Variants in UNKL observed in about 807,000 individuals in gnomAD.
UNKL encodes unk like zinc finger, also known as putative E3 ubiquitin-protein ligase UNKL.
UNKL carries 60 observed loss-of-function variants against 78.0 expected under a neutral mutation model. The observed-to-expected ratio is 0.77, with a 90% confidence interval of 0.63 to 0.95. The LOEUF (loss-of-function observed/expected upper bound fraction) is 0.95. UNKL is among the 40% of genes least tolerant of loss of function. UNKL has a pLI of 0.00. For synonymous variants in UNKL, 608 were observed against 474.8 expected, an observed-to-expected ratio of 1.28 and a Z score of -3.65; for missense variants, 1,159 against 1,045.7, an observed-to-expected ratio of 1.11 and a Z score of -1.49.
At chr16:1,389,237 G>A (rs2036946717) in intron 9 of UNKL, among the ~76,000 whole-genome samples, 1 of 152,138 alleles carries the variant, frequency 6.6e-6, no homozygotes, top group African/African-American at 2.4e-5. Flanking sequence ...TGGAAGCCTT[G>A]ACCCCCGGTG....
intron 8 of UNKL, 54 bp from the exon 9 acceptor site, chr16:1,390,748 A>T: frequency 6.5e-7 from 1 of 1,527,212 alleles, no homozygotes; most frequent in Non-Finnish European, 8.8e-7. Context: ...AATGTAAATT[A>T]AAAACATACA....
At chr16:1,384,369 G>A (rs187047076) in intron 10 of UNKL, among the ~76,000 whole-genome samples, 5 of 152,162 alleles carry the variant, frequency 3.3e-5, no homozygotes, top group Admixed American at 3.3e-4. Flanking sequence ...CCCACTCCGG[G>A]CTTCTGGAAG....
chr16:1,410,037 C>T (rs915959527), intron 2 of UNKL, among the ~76,000 whole-genome samples: 2 of 152,062 alleles, frequency 1.3e-5, no homozygotes, highest in African/African-American at 4.8e-5. Context: ...CCAGATCGCA[C>T]CACTTCACTC....
At chr16:1,369,790 C>T (rs1288357188) in intron 12 of UNKL, 14 of 716,994 alleles carry the variant, frequency 2.0e-5, no homozygotes, top group Non-Finnish European at 2.8e-5. Context: ...GCCCGGCCAG[C>T]GTGATGAAAC....
intron 14 of UNKL, among the ~76,000 whole-genome samples, 186 bp downstream of exon 14, chr16:1,366,906 G>GGGGGAAAGGCGGCTCCCAA (rs1364125505): frequency 7.9e-5 from 12 of 152,126 alleles, no homozygotes; most frequent in African/African-American, 2.9e-4. Flanking sequence ...GCGGCTCCCA[G>GGGGGAAAGGCGGCTCCCAA]GGAGACAGGC....
At chr16:1,409,758 T>A (rs989869938) in intron 2 of UNKL, among the ~76,000 whole-genome samples, 6 of 151,678 alleles carry the variant, frequency 4.0e-5, no homozygotes, top group Non-Finnish European at 8.8e-5. Flanking sequence ...TGAGGCTGAG[T>A]CCACACCAAG....
At chr16:1,376,751 T>C (rs573868993) in intron 10 of UNKL, among the ~76,000 whole-genome samples, 1 of 152,164 alleles carries the variant, frequency 6.6e-6, no homozygotes, top group East Asian at 1.9e-4. Context: ...GGAACCCCTA[T>C]ATACCAAGCT....
intron 10 of UNKL, among the ~76,000 whole-genome samples, chr16:1,381,355 C>CA: frequency 6.6e-6 from 1 of 152,218 alleles, no homozygotes; most frequent in Non-Finnish European, 1.5e-5. Flanking sequence ...TGTGGTGGCT[C>CA]ACGCCTGTAA....
chr16:1,408,416 C>T (rs976842452), intron 2 of UNKL: 1 of 153,462 alleles, frequency 6.5e-6, no homozygotes, highest in Non-Finnish European at 1.5e-5. Flanking sequence ...ACGCTGATGC[C>T]CACAGGACCG....
In UNKL at chr16:1,392,941, C is replaced by A. The variant is rs892571315; in HGVS notation, c.973G>T (p.Asp325Tyr). Residue 325 changes from aspartate (D) to tyrosine (Y), a missense_variant, in exon 8 of 15, where the codon GAC becomes TAC. Asp to Tyr is a radical substitution (Grantham distance 160). Coordinates refer to ENST00000389221, the MANE Select transcript of UNKL (RefSeq NM_001372107.1). Reference protein sequence around the residue: ...LGMVNEWGCHDLHLTSPSSTG... With the variant: ...LGMVNEWGCHYLHLTSPSSTG... The stretch of plus-strand genomic sequence containing the variant: ...GAGGAAGGACTCGTGAGGTGGAGGT[C>A]GTGACAGCCCCATTCATTCACCATC... 2 of 1,550,522 alleles carry A rather than the reference C, an allele frequency of 1.3e-6. No homozygotes were observed.
rs954517486 is a variant in UNKL at position 1,387,716 on chromosome 16, C to A, written c.1087-2331G>T. ...GCACGGCCCTCCGGGGACGTGGACA[C>A]TGCACAGCCGCACGGCTGCCCGGCC... On this transcript the variant is annotated intron_variant, in intron 9 of 14. Transcript: ENST00000389221. This position sits in a 1 kb window ranked among gnomAD's most constrained non-coding sequence, Gnocchi z 4.1. Among the ~76,000 whole-genome samples the A allele has an allele frequency of 2.0e-5, 3 of 152,130 alleles. No homozygotes were observed. Among genetic ancestry groups the A allele is most frequent in the Admixed American group, 6.5e-5 (1 of 15,284 alleles).
rs752517158 is a variant in UNKL at position 1,367,662 on chromosome 16, C to T, written c.1782G>A (p.Val594=). 4 of 1,563,078 alleles carry T rather than the reference C, an allele frequency of 2.6e-6. No homozygotes were observed. In the South Asian group the frequency reaches 4.7e-5, roughly 18 times the overall value. Residue 594 remains valine, a synonymous_variant, in exon 13 of 15, where the codon GTG becomes GTA. Coordinates refer to ENST00000389221, the MANE Select transcript of UNKL (RefSeq NM_001372107.1). ...GGCCCCCCCACACACTCACCTGCTT[C>T]ACCTGCTGCCAGGACTCCTCCCACT... is the stretch of plus-strand genomic sequence containing the variant. ...IRQWEESWQQ[V]KQVCDAWQRE...
chr16:1,368,825 C>T (rs951935180), intron 12 of UNKL, among the ~76,000 whole-genome samples: 5 of 151,956 alleles, frequency 3.3e-5, no homozygotes, highest in East Asian at 1.9e-4. Context: ...CATTTTAACC[C>T]GGAAGGCAGA....
At chr16:1,376,052 C>T (rs772851633) in intron 10 of UNKL, among the ~76,000 whole-genome samples, 4 of 152,124 alleles carry the variant, frequency 2.6e-5, no homozygotes, top group South Asian at 2.1e-4. Flanking sequence ...AGATCTGTGG[C>T]GGGCAGGGCC....
At chr16:1,406,046 G>A (rs766443896) in intron 2 of UNKL, 63 of 456,572 alleles carry the variant, frequency 1.4e-4, no homozygotes, top group South Asian at 4.3e-4. Flanking sequence ...CTGCACTGCC[G>A]GCTGGTTCCC....
rs1207866053 is a variant in UNKL at position 1,390,733 on chromosome 16, G to A, written c.1024-39C>T. 3.9e-6 allele frequency: 6 copies of A among 1,533,808 alleles called. No homozygotes were observed. In the African/African-American group the frequency reaches 4.1e-5, roughly 11 times the overall value. ...AACAGTCATATGTGGAAAAAGCAGG[G>A]AGGAAATGTAAATTAAAAACATACA... On this transcript the variant is annotated intron_variant, in intron 8 of 14. Transcript: ENST00000389221.
chr16:1,408,560 T>C (rs2179534), intron 2 of UNKL: 131,770 of 154,746 alleles, frequency 0.85, 56,561 homozygotes, highest in East Asian at 1. Context: ...TGGGGAGCCA[T>C]AGGATGAGGA....
intron 10 of UNKL, among the ~76,000 whole-genome samples, chr16:1,377,290 G>C (rs2036306906): frequency 6.6e-6 from 1 of 152,102 alleles, no homozygotes; most frequent in African/African-American, 2.4e-5. Flanking sequence ...CAAAGTGCTG[G>C]GATTACAGGT....
chr16:1,404,437 T>C (rs1382681057), intron 2 of UNKL, among the ~76,000 whole-genome samples: 1 of 151,710 alleles, frequency 6.6e-6, no homozygotes, highest in East Asian at 1.9e-4. Flanking sequence ...AGACACAGAG[T>C]TCAGAGAGGC....
Sources: gnomAD v4.1 joint callset for allele counts (sites outside exome capture counted in the v4.1 genomes callset) on GRCh38, gnomAD v4.1.1 for gene constraint, Gnocchi (gnomAD v3.1) non-coding constraint, MANE v1.5 for transcripts, NCBI Gene and HGNC (gene_info 2026-07-23, HGNC 2026-07-21) for gene names.